The following ASTN1 variants were observed in gnomAD, a reference collection of about 807,000 sequenced individuals.
The protein encoded by ASTN1 is astrotactin 1, also known as astrotactin-1.
ASTN1 carries 41 observed loss-of-function variants against 140.7 expected under a neutral mutation model. The observed-to-expected ratio is 0.29, with a 90% CI of 0.23 to 0.38. The LOEUF (loss-of-function observed/expected upper bound fraction) is 0.38, where lower values mean the gene tolerates loss of function less well. Among genes scored for constraint, ASTN1 ranks in the 10% least tolerant of loss-of-function variants. ASTN1 has a pLI of 1.00. For missense variants in ASTN1, 1,479 were observed against 1,678.8 expected (o/e 0.88, Z 2.08); for synonymous variants, 640 against 652.2 (o/e 0.98, Z 0.29).
chr1:177,046,313 T>C (rs1336511209), intron 2 of ASTN1, among the ~76,000 whole-genome samples: 1 of 152,216 alleles, frequency 6.6e-6, no homozygotes, highest in Non-Finnish European at 1.5e-5. Flanking sequence ...GACTCCACTC[T>C]AATGGAGAAA....
chr1:177,128,881 T>C (rs1210027832), intron 1 of ASTN1, among the ~76,000 whole-genome samples: 1 of 152,194 alleles, frequency 6.6e-6, no homozygotes, highest in African/African-American at 2.4e-5. Flanking sequence ...GACATGAGCA[T>C]TGAAATTTCT....
At chr1:176,894,898 C>T (rs2103039303) in intron 16 of ASTN1, 68 bp from the exon 17 acceptor site, 1 of 1,587,202 alleles carries the variant, frequency 6.3e-7, no homozygotes, top group Non-Finnish European at 8.6e-7. Flanking sequence ...GACCTCGTGG[C>T]CCCTGAGTGC....
intron 1 of ASTN1, among the ~76,000 whole-genome samples, chr1:177,101,734 T>C (rs1680309471): frequency 6.6e-6 from 1 of 152,186 alleles, no homozygotes; most frequent in African/African-American, 2.4e-5. Context: ...AAAACTATTC[T>C]CTAAAAACAT....
rs539894698 is a variant in ASTN1 at position 177,000,451 on chromosome 1, T to C, written c.1523+14340A>G. 7.9e-5 allele frequency among the ~76,000 whole-genome samples: 12 copies of C among 152,216 alleles called. No individual in the cohort carries two copies. The South Asian group carries it at 2.5e-3, about 32-fold the overall frequency. The stretch of plus-strand genomic sequence containing the variant: ...ATAAAACTTATGATCTAAAGAATAG[T>C]TGAAGGAACAAGCTCTATTTAGAAG... On this transcript the variant is annotated intron_variant, in intron 8 of 22. Transcript: ENST00000361833.
At chr1:177,003,166 C>T (rs1674817173) in intron 8 of ASTN1, among the ~76,000 whole-genome samples, 1 of 151,806 alleles carries the variant, frequency 6.6e-6, no homozygotes, top group Non-Finnish European at 1.5e-5. Context: ...GATGCCAAAG[C>T]CAGGAAGGGA....
rs773883385 is a variant in ASTN1, at chr1:177,023,539, G to T, written c.1303C>A (p.Leu435Met). Residue 435 changes from leucine (L) to methionine (M), a missense_variant, in exon 7 of 23, where the codon CTG (leucine) becomes ATG (methionine). Leu to Met is a conservative substitution (Grantham distance 15, BLOSUM62 2). This residue lies in a region of ASTN1 where 729 missense variants were observed against 860.4 expected (regional missense o/e 0.85). Coordinates refer to ENST00000361833, the MANE Select transcript of ASTN1 (RefSeq NM_004319.3). ...SRFILLEGSQ[L>M]DASDWLNPAQ... ...GGGTTCAGCCAGTCACTGGCATCCA[G>T]CTGGCTCCCCTCCAGCAAGATGAAG... is the stretch of plus-strand genomic sequence containing the variant. The T allele has an allele frequency of 1.2e-6, 2 of 1,603,806 alleles. No homozygotes were observed. The highest frequency in any genetic ancestry group is 2.2e-5 in the South Asian group (2 of 89,588).
At chr1:176,921,677 G>A (rs986712067) in intron 16 of ASTN1, among the ~76,000 whole-genome samples, 50 of 152,110 alleles carry the variant, frequency 3.3e-4, no homozygotes, top group Admixed American at 3.2e-3. Flanking sequence ...TTAATCACTT[G>A]GTTTTTATGT....
rs373527080 is a variant in ASTN1 at position 177,037,393 on chromosome 1, A to G, written c.472-4544T>C. Among the ~76,000 whole-genome samples the G allele has an allele frequency of 4.6e-5, 7 of 152,346 alleles. 1 individual carries two copies. Among genetic ancestry groups the G allele is most frequent in the African/African-American group, 1.7e-4 (7 of 41,576 alleles). Reference sequence around the variant, plus strand: ...AGCTCCAAAAAGACCTCTACTCAACATCTGCTCATGAGCACACTGAGAAAC... The same window carrying G: ...AGCTCCAAAAAGACCTCTACTCAACGTCTGCTCATGAGCACACTGAGAAAC... On this transcript the variant is annotated intron_variant, in intron 2 of 22. Coordinates refer to ENST00000361833, the MANE Select transcript of ASTN1 (RefSeq NM_004319.3).
intron 8 of ASTN1, among the ~76,000 whole-genome samples, chr1:176,978,849 C>T (rs1333433051): frequency 1.3e-5 from 2 of 152,136 alleles, no homozygotes; most frequent in South Asian, 2.1e-4. Flanking sequence ...ACTTAATATT[C>T]CTATTGTATA....
At chr1:177,083,786 C>A (rs1377038864) in intron 1 of ASTN1, among the ~76,000 whole-genome samples, 1 of 152,082 alleles carries the variant, frequency 6.6e-6, no homozygotes, top group Non-Finnish European at 1.5e-5. Context: ...GTCAGGAGAT[C>A]AAAATTATAG....
chr1:177,132,978 G>GA (rs569089004), intron 1 of ASTN1, among the ~76,000 whole-genome samples: 75 of 152,264 alleles, frequency 4.9e-4, no homozygotes, highest in African/African-American at 1.7e-3. Context: ...AGATTCTCCA[G>GA]AAAAAGAATT....
intron 1 of ASTN1, among the ~76,000 whole-genome samples, chr1:177,141,210 C>T (rs1289888821): frequency 6.6e-6 from 1 of 152,014 alleles, no homozygotes; most frequent in Non-Finnish European, 1.5e-5. Context: ...GAGCAAAATT[C>T]CATCTCAAAA....
chr1:177,033,587 G>A (rs1676563948), intron 2 of ASTN1, among the ~76,000 whole-genome samples: 1 of 152,164 alleles, frequency 6.6e-6, no homozygotes, highest in Non-Finnish European at 1.5e-5. Flanking sequence ...ACCAAGTGTG[G>A]GGAGGAATCT....
chr1:177,151,158 G>A (rs1683013320), intron 1 of ASTN1, among the ~76,000 whole-genome samples: 1 of 151,950 alleles, frequency 6.6e-6, no homozygotes, highest in Non-Finnish European at 1.5e-5. Context: ...AACAGGAGGT[G>A]TTTCCTGGAA....
At chr1:176,961,776 A>G (rs1672676398) in intron 9 of ASTN1, among the ~76,000 whole-genome samples, 1 of 152,208 alleles carries the variant, frequency 6.6e-6, no homozygotes, top group African/African-American at 2.4e-5. Flanking sequence ...TCCCTCATTC[A>G]TGCAGATTTG....
intron 13 of ASTN1, 26 bp from the exon 14 acceptor site, chr1:176,944,044 C>A (rs1671849527): frequency 6.2e-7 from 1 of 1,610,042 alleles, no homozygotes; most frequent in South Asian, 1.1e-5. Context: ...ACCTTCATTT[C>A]TGAGTGTTCA....
intron 8 of ASTN1, among the ~76,000 whole-genome samples, chr1:177,012,249 C>A (rs1419905522): frequency 6.6e-6 from 1 of 152,206 alleles, no homozygotes; most frequent in East Asian, 1.9e-4. Flanking sequence ...TTTAAAGAAA[C>A]ATGGCATCGG....
chr1:177,006,745 G>A (rs954821960), intron 8 of ASTN1, among the ~76,000 whole-genome samples: 2 of 152,224 alleles, frequency 1.3e-5, no homozygotes, highest in Non-Finnish European at 2.9e-5. Context: ...TCTTGGTGCC[G>A]TGACTGGACT....
Position 176,865,701 on chromosome 1 carries a change from T to A in ASTN1, c.3648-1180A>T, listed in dbSNP as rs954855219. Among the ~76,000 whole-genome samples the A allele has an allele frequency of 3.3e-5, 5 of 152,314 alleles. No homozygotes were observed. The East Asian group carries it at 5.8e-4, about 18-fold the overall frequency. On this transcript the variant is annotated intron_variant, in intron 22 of 22. Coordinates refer to ENST00000361833, the MANE Select transcript of ASTN1 (RefSeq NM_004319.3). ...GCAGAACCACTCTTTTCTAGTTCCA[T>A]CAACAATTTGTATTAGTCCGTTTTC...
Sources: allele counts gnomAD v4.1 joint callset (sites outside exome capture counted in the v4.1 genomes callset), GRCh38; gene constraint gnomAD v4.1.1; regional missense constraint gnomAD v4.1.1; transcripts MANE v1.5; gene names NCBI Gene and HGNC (gene_info 2026-07-23, HGNC 2026-07-21).